Variants in NXN observed in about 807,000 individuals in gnomAD.
The protein encoded by NXN is nucleoredoxin, also known as nucleoredoxin 1.
Under a neutral mutation model 48.6 loss-of-function variants are expected in NXN, and 16 were observed. The observed-to-expected ratio is 0.33, with a 90% CI of 0.22 to 0.50. The LOEUF (loss-of-function observed/expected upper bound fraction) is 0.50, where lower values mean the gene tolerates loss of function less well. Among genes scored for constraint, NXN ranks in the 20% least tolerant of loss-of-function variants. The pLI is 0.98. For missense variants in NXN, 492 were observed against 605.5 expected, an observed-to-expected ratio of 0.81 and a Z score of 1.97; for synonymous variants, 281 against 269.6, an observed-to-expected ratio of 1.04 and a Z score of -0.41.
In NXN at chr17:885,672, CTT is replaced by C. The variant is rs532225883; in HGVS notation, c.361-59596_361-59595del. On this transcript the variant is annotated intron_variant, in intron 1 of 7. Coordinates refer to ENST00000336868, the MANE Select transcript of NXN (RefSeq NM_022463.5). ...GCCCACCTGGGGGCTGCGGTACTCG[CTT>C]TTTTTTTTTTTTTTTTTTTTTTTTT... Among the ~76,000 whole-genome samples, 277 of 83,680 alleles carry C rather than the reference CTT, an allele frequency of 3.3e-3. 2 individuals carry two copies. The highest frequency in any genetic ancestry group is 0.017 in the African/African-American group (258 of 15,162). 54.9% of individuals were successfully genotyped at this position (83,680 alleles called of 152,430 possible).
intron 1 of NXN, among the ~76,000 whole-genome samples, chr17:885,020 G>A (rs1480157026): frequency 1.3e-5 from 2 of 152,174 alleles, no homozygotes; most frequent in South Asian, 2.1e-4. Context: ...ATCCCCTTTA[G>A]GGGTAAGAGG....
chr17:823,533 C>A (rs775592459), intron 3 of NXN, 99 bp downstream of exon 3: 23 of 1,410,122 alleles, frequency 1.6e-5, no homozygotes, highest in Non-Finnish European at 2.2e-5. Flanking sequence ...CGGGAAATTC[C>A]TGCCTGGGTG....
chr17:903,711 C>T (rs757683099), intron 1 of NXN, among the ~76,000 whole-genome samples: 7 of 152,202 alleles, frequency 4.6e-5, no homozygotes, highest in Non-Finnish European at 1.0e-4. Flanking sequence ...CATATGGGCT[C>T]ACTTAGTACC....
At chr17:940,359 G>A (rs993958543) in intron 1 of NXN, among the ~76,000 whole-genome samples, 6 of 151,880 alleles carry the variant, frequency 4.0e-5, no homozygotes, top group Admixed American at 3.3e-4. Context: ...CTCCTTAAGC[G>A]CTGGGATTAC....
chr17:955,759 G>A (rs111667798), intron 1 of NXN, among the ~76,000 whole-genome samples: 5,622 of 151,952 alleles, frequency 0.037, 135 homozygotes, highest in Admixed American at 0.056. Flanking sequence ...AAAATTAGCC[G>A]GGCGTGGTGG....
intron 1 of NXN, among the ~76,000 whole-genome samples, chr17:863,654 G>T (rs62068399): frequency 0.014 from 2,137 of 152,100 alleles, 43 homozygotes; most frequent in African/African-American, 0.048. Flanking sequence ...TAGAGATGGG[G>T]GTCTCTCTAT....
intron 1 of NXN, among the ~76,000 whole-genome samples, chr17:883,481 C>A (rs2068307744): frequency 6.6e-6 from 1 of 152,204 alleles, no homozygotes; most frequent in African/African-American, 2.4e-5. Context: ...TACATCACCT[C>A]CATGACCTCA....
chr17:831,976 G>T (rs932867527), intron 1 of NXN, among the ~76,000 whole-genome samples: 2 of 150,414 alleles, frequency 1.3e-5, no homozygotes, highest in African/African-American at 4.9e-5. Context: ...CTTATGTTCT[G>T]TGGGGCTTGG....
chr17:843,072 C>A (rs142280539), intron 1 of NXN, among the ~76,000 whole-genome samples: 107 of 147,934 alleles, frequency 7.2e-4, no homozygotes, highest in African/African-American at 2.7e-3. Context: ...AGAAAGCAAG[C>A]AAGCAAGCTG....
At chr17:895,774 CA>C (rs1233592171) in intron 1 of NXN, among the ~76,000 whole-genome samples, 177 of 142,400 alleles carry the variant, frequency 1.2e-3, no homozygotes, top group African/African-American at 4.5e-3. Context: ...GCCGAGATCG[CA>C]CCACTGCACT....
chr17:811,756 C>T (rs2144599958), intron 5 of NXN, among the ~76,000 whole-genome samples: 1 of 152,200 alleles, frequency 6.6e-6, no homozygotes, highest in East Asian at 1.9e-4. Flanking sequence ...GTGAGATGGA[C>T]AGCTCAAGGG....
chr17:865,374 C>G (rs1483761337), intron 1 of NXN, among the ~76,000 whole-genome samples: 2 of 152,020 alleles, frequency 1.3e-5, no homozygotes, highest in Non-Finnish European at 2.9e-5. Context: ...TCCTGCATAG[C>G]TGGGATTACA....
chr17:892,380 T>C (rs1193722880), intron 1 of NXN, among the ~76,000 whole-genome samples: 2 of 152,208 alleles, frequency 1.3e-5, no homozygotes, highest in Admixed American at 6.5e-5. Flanking sequence ...GGAATGTGTG[T>C]AGGGATTATG....
intron 1 of NXN, among the ~76,000 whole-genome samples, chr17:902,782 C>CTTT (rs748225079): frequency 5.5e-4 from 76 of 138,092 alleles, no homozygotes; most frequent in African/African-American, 1.9e-3. Context: ...GCCCATCATT[C>CTTT]TTTTTTTTTT....
chr17:889,239 T>G (rs1424816907), intron 1 of NXN, among the ~76,000 whole-genome samples: 1 of 152,076 alleles, frequency 6.6e-6, no homozygotes, highest in Admixed American at 6.6e-5. Flanking sequence ...TCAGGAGGAT[T>G]AAGTGAGAAG....
rs1034221762 is a variant in NXN, at chr17:978,914, C to G, written c.360+405G>C. On this transcript the variant is annotated intron_variant, in intron 1 of 7. Transcript: ENST00000336868. The surrounding 1 kb of genome is among the most constrained non-coding windows in gnomAD (Gnocchi z 4.1). ...AGGCAGGAAGGGCCTGGCGCCTCTG[C>G]TCGCGGGTGAAGGGGTCGCGGAACC... 6.6e-6 allele frequency among the ~76,000 whole-genome samples: 1 copy of G among 151,268 alleles called. No homozygotes were observed. The highest frequency in any genetic ancestry group is 1.5e-5 in the Non-Finnish European group (1 of 67,676).
intron 1 of NXN, among the ~76,000 whole-genome samples, chr17:968,314 C>T (rs1237922005): frequency 6.6e-6 from 1 of 152,224 alleles, no homozygotes; most frequent in Non-Finnish European, 1.5e-5. Context: ...GTATCTCCCC[C>T]TGGCCTCTCC....
chr17:908,900 G>A (rs577030233), intron 1 of NXN, among the ~76,000 whole-genome samples: 1 of 152,142 alleles, frequency 6.6e-6, no homozygotes, highest in African/African-American at 2.4e-5. Context: ...TCAGGAGTTT[G>A]AGACCAGCCT....
At chr17:952,148 G>GGT (rs2069119171) in intron 1 of NXN, among the ~76,000 whole-genome samples, 1 of 146,368 alleles carries the variant, frequency 6.8e-6, no homozygotes, top group African/African-American at 2.5e-5. Flanking sequence ...GGCCACAGGA[G>GGT]GTTGCAGAAA....
Sources: allele counts gnomAD v4.1 joint callset (sites outside exome capture counted in the v4.1 genomes callset), GRCh38; gene constraint gnomAD v4.1.1; non-coding constraint Gnocchi (gnomAD v3.1); transcripts MANE v1.5; gene names NCBI Gene and HGNC (gene_info 2026-07-23, HGNC 2026-07-21).